KCNH8: variants seen among roughly 807,000 people sequenced by gnomAD.
KCNH8 encodes voltage-gated delayed rectifier potassium channel KCNH8.
Under a neutral mutation model 103.6 loss-of-function variants are expected in KCNH8, and 70 were observed. That is an observed-to-expected ratio of 0.68 (90% CI 0.56 to 0.82). The LOEUF is 0.82. Among genes scored for constraint, KCNH8 ranks in the 40% least tolerant of loss-of-function variants. KCNH8 has a pLI of 0.00. For missense variants in KCNH8, 1,217 were observed against 1,329.9 expected, an observed-to-expected ratio of 0.92 and a Z score of 1.32; for synonymous variants, 498 against 489.4, an observed-to-expected ratio of 1.02 and a Z score of -0.23.
At chr3:19,206,289 C>G (rs2125221665) in intron 1 of KCNH8, among the ~76,000 whole-genome samples, 1 of 132,120 alleles carries the variant, frequency 7.6e-6, no homozygotes, top group African/African-American at 4.1e-5. Flanking sequence ...ATCACAGTTT[C>G]TTTATCCACT....
intron 11 of KCNH8, among the ~76,000 whole-genome samples, chr3:19,459,441 ATTGAG>A (rs1489030892): frequency 6.6e-6 from 1 of 151,814 alleles, no homozygotes; most frequent in African/African-American, 2.4e-5. Context: ...ATTTCTTGTT[ATTGAG>A]TTGTTTATGT....
intron 1 of KCNH8, among the ~76,000 whole-genome samples, chr3:19,161,241 A>C (rs1456730417): frequency 6.6e-6 from 1 of 152,204 alleles, no homozygotes; most frequent in Non-Finnish European, 1.5e-5. Context: ...TGGGTTTGGT[A>C]CTATCGTCGG....
intron 7 of KCNH8, among the ~76,000 whole-genome samples, chr3:19,405,949 A>C (rs1192705867): frequency 2.0e-5 from 3 of 152,136 alleles, no homozygotes; most frequent in South Asian, 2.1e-4. Flanking sequence ...GTATAGTTTT[A>C]TGTTTCATTA....
intron 3 of KCNH8, among the ~76,000 whole-genome samples, chr3:19,301,983 A>G (rs2065069485): frequency 6.6e-6 from 1 of 152,204 alleles, no homozygotes; most frequent in Non-Finnish European, 1.5e-5. Flanking sequence ...AACAAGGTGC[A>G]CCAGACTCGT....
chr3:19,464,649 G>A (rs538260998), intron 11 of KCNH8, among the ~76,000 whole-genome samples: 2 of 152,152 alleles, frequency 1.3e-5, no homozygotes, highest in East Asian at 1.9e-4. Flanking sequence ...AGAATATCCC[G>A]AATGTATTAA....
chr3:19,173,542 G>C (rs112625199), intron 1 of KCNH8, among the ~76,000 whole-genome samples: 114 of 152,094 alleles, frequency 7.5e-4, no homozygotes, highest in African/African-American at 2.5e-3. Context: ...TACTCAACTC[G>C]GATGTCTTAG....
intron 1 of KCNH8, among the ~76,000 whole-genome samples, chr3:19,165,740 G>A (rs2063276865): frequency 6.6e-6 from 1 of 152,194 alleles, no homozygotes; most frequent in Non-Finnish European, 1.5e-5. Flanking sequence ...CTACTCACTT[G>A]TTTGTGAGTT....
chr3:19,222,024 T>C (rs1265293943), intron 1 of KCNH8, among the ~76,000 whole-genome samples: 1 of 152,140 alleles, frequency 6.6e-6, no homozygotes, highest in African/African-American at 2.4e-5. Flanking sequence ...CTTTTTTTTG[T>C]ATTTTTAGTA....
intron 2 of KCNH8, among the ~76,000 whole-genome samples, chr3:19,276,000 G>A (rs1035929501): frequency 2.0e-5 from 3 of 152,052 alleles, no homozygotes; most frequent in African/African-American, 7.2e-5. Flanking sequence ...CAAAACAGTA[G>A]CAAATATAAT....
At chr3:19,488,518 A>C (rs2068257361) in intron 11 of KCNH8, among the ~76,000 whole-genome samples, 1 of 152,152 alleles carries the variant, frequency 6.6e-6, no homozygotes. Flanking sequence ...GCTGATTTTC[A>C]GGGCTATTTG....
At chr3:19,166,055 G>T (rs2063280176) in intron 1 of KCNH8, among the ~76,000 whole-genome samples, 1 of 152,136 alleles carries the variant, frequency 6.6e-6, no homozygotes, top group Non-Finnish European at 1.5e-5. Context: ...TGGGAATGAT[G>T]CCCTCCCACA....
intron 10 of KCNH8, among the ~76,000 whole-genome samples, chr3:19,453,137 G>T (rs918285490): frequency 2.6e-5 from 4 of 152,198 alleles, no homozygotes; most frequent in African/African-American, 9.6e-5. Context: ...CTTATAATTG[G>T]GAGGTAAATA....
At chr3:19,485,215 G>A (rs1014120658) in intron 11 of KCNH8, among the ~76,000 whole-genome samples, 3 of 152,072 alleles carry the variant, frequency 2.0e-5, no homozygotes, top group African/African-American at 7.2e-5. Flanking sequence ...AGAAGCACAC[G>A]GGTTACTTCA....
Position 19,491,740 on chromosome 3 carries a change from GT to G in KCNH8, c.2041-18617del, listed in dbSNP as rs1170873231. Among the ~76,000 whole-genome samples, 5 of 152,102 alleles carry G rather than the reference GT, an allele frequency of 3.3e-5. No homozygotes were observed. The South Asian group carries it at 6.2e-4, about 19-fold the overall frequency. ...TTGCTGGGTCAAATAATAGTTCTTC[GT>G]TTTTTGCGAAATCTCCAAACTGCTT... On this transcript the variant is annotated intron_variant, in intron 11 of 15. Transcript: ENST00000328405.
At chr3:19,381,685 T>C (rs2066289947) in intron 5 of KCNH8, among the ~76,000 whole-genome samples, 2 of 151,886 alleles carry the variant, frequency 1.3e-5, no homozygotes, top group African/African-American at 2.4e-5. Context: ...ACCACGAGAA[T>C]TGCTAAAAGG....
intron 1 of KCNH8, among the ~76,000 whole-genome samples, chr3:19,247,903 G>A (rs2064226152): frequency 1.3e-5 from 2 of 152,116 alleles, no homozygotes; most frequent in South Asian, 4.1e-4. Flanking sequence ...AGAATGGTTT[G>A]TATCTGCCTA....
intron 2 of KCNH8, among the ~76,000 whole-genome samples, chr3:19,256,950 A>G (rs1031009547): frequency 3.9e-5 from 6 of 152,094 alleles, no homozygotes; most frequent in African/African-American, 1.4e-4. Flanking sequence ...GTCTGCAGAT[A>G]CAGTTGTGAG....
chr3:19,374,068 A>C (rs1172173168), intron 5 of KCNH8, among the ~76,000 whole-genome samples: 10 of 152,076 alleles, frequency 6.6e-5, no homozygotes, highest in Non-Finnish European at 1.3e-4. Context: ...TGTGGTGCTC[A>C]AAAAAATGTA....
At chr3:19,343,458 T>C (rs147011686) in intron 4 of KCNH8, among the ~76,000 whole-genome samples, 1 of 152,248 alleles carries the variant, frequency 6.6e-6, no homozygotes, top group African/African-American at 2.4e-5. Context: ...TAGAACAATG[T>C]CTCTTTAGTT....
Sources: gnomAD v4.1 joint callset for allele counts (sites outside exome capture counted in the v4.1 genomes callset) on GRCh38, gnomAD v4.1.1 for gene constraint, MANE v1.5 for transcripts, NCBI Gene and HGNC (gene_info 2026-07-23, HGNC 2026-07-21) for gene names.